Variants in RSRP1 observed in about 807,000 individuals in gnomAD.
RSRP1 encodes arginine and serine rich protein 1, also known as arginine/serine-rich protein 1.
A neutral mutation model predicts 33.0 loss-of-function variants in RSRP1; 37 were observed. The ratio of observed to expected loss-of-function variants is 1.12; its 90% CI spans 0.86 to 1.48. The LOEUF (loss-of-function observed/expected upper bound fraction) is 1.48. Among genes scored for constraint, RSRP1 ranks in the 40% most tolerant of loss-of-function variants. The pLI is 0.00. For synonymous variants in RSRP1, 167 were observed against 158.7 expected (o/e 1.05, Z -0.40); for missense variants, 402 against 385.3 (o/e 1.04, Z -0.36).
intron 1 of RSRP1, chr1:25,284,665 C>T (rs1355060735): frequency 2.2e-5 from 31 of 1,388,842 alleles, no homozygotes; most frequent in Non-Finnish European, 3.0e-5. Flanking sequence ...GGCCTTCAAC[C>T]TCTTCATGCT....
At chr1:25,261,914 G>C (rs1640168983) in intron 1 of RSRP1, among the ~76,000 whole-genome samples, 3 of 151,468 alleles carry the variant, frequency 2.0e-5, no homozygotes, top group South Asian at 4.2e-4. Flanking sequence ...GTTTCACCAT[G>C]TTGGCCAGGA....
At chr1:25,295,634 A>T (rs1189161866) in intron 1 of RSRP1, among the ~76,000 whole-genome samples, 4 of 105,712 alleles carry the variant, frequency 3.8e-5, no homozygotes, top group African/African-American at 9.5e-5. Flanking sequence ...GCGGTCAAGG[A>T]GCCGAGAGGG....
At position 25,307,067 on chromosome 1, in the gene RSRP1, C is replaced by T. The variant is rs189106905; in HGVS notation, c.-67+30911G>A. The T allele has an allele frequency of 6.9e-5, 23 of 330,980 alleles. 5 individuals are homozygous for T. Among genetic ancestry groups the T allele is most frequent in the African/African-American group, 4.5e-5 (2 of 44,766 alleles). The allele number at this position is 330,980 out of a possible 1,614,324, so 20.5% of individuals were successfully genotyped here. A position where few individuals can be genotyped will look rare whatever the true frequency, so the allele number is the denominator to read the frequency against. ...TCGTGATGCAGAGCTTTGCTGTGGACGTGCTCCCACTGCGTACTAGCTGGG... is the reference window on the plus strand; with the variant it reads ...TCGTGATGCAGAGCTTTGCTGTGGATGTGCTCCCACTGCGTACTAGCTGGG... On this transcript the variant is annotated intron_variant, in intron 1 of 1. Transcript: ENST00000561867.
At chr1:25,315,611 C>T (rs558172144) in intron 1 of RSRP1, among the ~76,000 whole-genome samples, 1 of 126,786 alleles carries the variant, frequency 7.9e-6, no homozygotes, top group Non-Finnish European at 1.9e-5. Context: ...GTTCTCCTGC[C>T]TCAGCCTCCT....
chr1:25,245,983 T>A (rs1046353085), intron 2 of RSRP1: 1 of 160,370 alleles, frequency 6.2e-6, no homozygotes, highest in Non-Finnish European at 1.4e-5. Context: ...TGGCCTCAAG[T>A]GACCCACCCG....
chr1:25,280,840 A>T (rs1641433953), intron 1 of RSRP1, among the ~76,000 whole-genome samples: 1 of 131,382 alleles, frequency 7.6e-6, no homozygotes, highest in African/African-American at 2.6e-5. Context: ...TGAACTCCTC[A>T]GCTCAAGCAA....
chr1:25,301,279 G>C (rs1571668386), intron 1 of RSRP1, among the ~76,000 whole-genome samples: 1 of 131,216 alleles, frequency 7.6e-6, no homozygotes, highest in East Asian at 2.0e-4. Context: ...ACTTCACAGA[G>C]CAGGTTCAGG....
At chr1:25,280,605 CTTTT>C (rs71014346) in intron 1 of RSRP1, among the ~76,000 whole-genome samples, 6 of 60,744 alleles carry the variant, frequency 9.9e-5, no homozygotes, top group Admixed American at 3.6e-4. Context: ...TGTGCCTGGC[CTTTT>C]TTTTTTTTTT....
At position 25,246,558 on chromosome 1, in the gene RSRP1, C is replaced by T; in HGVS notation, c.406G>A (p.Gly136Arg). 3 of 1,614,244 alleles carry T rather than the reference C, an allele frequency of 1.9e-6. No individual in the cohort carries two copies. The highest frequency in any genetic ancestry group is 2.5e-6 in the Non-Finnish European group (3 of 1,180,048). Residue 136 changes from glycine (G) to arginine (R), a missense_variant, in exon 2 of 5, where the codon GGA becomes AGA. Transcript: ENST00000243189. Reference sequence around the variant, plus strand: ...CGACCAAAGCCGTAGTAGCGCTGTCCCCGCGCGATCGCGTACGCCCTTCCG... The same window carrying T: ...CGACCAAAGCCGTAGTAGCGCTGTCTCCGCGCGATCGCGTACGCCCTTCCG... Reference protein sequence around the residue: ...YCGRAYAIARGQRYYGFGRTV... With the variant: ...YCGRAYAIARRQRYYGFGRTV...
At chr1:25,278,263 G>C (rs1641190261) in intron 1 of RSRP1, among the ~76,000 whole-genome samples, 1 of 130,302 alleles carries the variant, frequency 7.7e-6, no homozygotes, top group African/African-American at 2.6e-5. Context: ...CCTGAGATGA[G>C]AGACAGAAGG....
chr1:25,329,237 G>T (rs199503320), intron 1 of RSRP1: 17,266 of 229,288 alleles, frequency 0.075, 119 homozygotes, highest in East Asian at 0.11. Flanking sequence ...ATTATTCCTT[G>T]TTTTTTTTTT....
rs1644580821 is a variant in RSRP1, at chr1:25,319,423, C to A, written c.-67+18555G>T. 1.5e-5 allele frequency among the ~76,000 whole-genome samples: 2 copies of A among 131,352 alleles called. 1 individual carries two copies. The highest frequency in any genetic ancestry group is 3.6e-5 in the Non-Finnish European group (2 of 55,366). 86.2% of individuals were successfully genotyped at this position (131,352 alleles called of 152,430 possible). On this transcript the variant is annotated intron_variant, in intron 1 of 1. Coordinates refer to the RSRP1 transcript ENST00000561867. ...TTGAGGCCAGGAGTTCAAGCCAGGG[C>A]AACATAGTGAGACCCCATCTCTACA...
chr1:25,242,772 A>G, intron 4 of RSRP1, 67 bp from the exon 5 acceptor site: 1 of 1,096,836 alleles, frequency 9.1e-7, no homozygotes. Context: ...AAAAAAAAGT[A>G]CATTAAATAA....
chr1:25,323,568 T>TC (rs1644828241), intron 1 of RSRP1, among the ~76,000 whole-genome samples: 1 of 125,452 alleles, frequency 8.0e-6, no homozygotes, highest in South Asian at 2.5e-4. Context: ...CAGGAGATCC[T>TC]CCCCCCTCAG....
intron 1 of RSRP1, chr1:25,303,534 T>C: frequency 7.8e-7 from 1 of 1,278,734 alleles, no homozygotes; most frequent in Admixed American, 1.8e-5. Context: ...TGGGCCACTG[T>C]GCAGTGCACA....
rs191007174 is a variant in RSRP1, at chr1:25,303,048, T to C, written c.-67+34930A>G. On this transcript the variant is annotated intron_variant, in intron 1 of 1. Transcript: ENST00000561867. The stretch of plus-strand genomic sequence containing the variant: ...ACCACTAATGAGTGTGATGGGTGCC[T>C]AGGATGCTGAGCACCTGGACTTCCC... 6.1e-3 allele frequency among the ~76,000 whole-genome samples: 807 copies of C among 131,502 alleles called. 106 individuals carry two copies. Among genetic ancestry groups the C allele is most frequent in the African/African-American group, 0.02 (772 of 38,338 alleles). The allele number at this position is 131,502 out of a possible 152,430, so 86.3% of individuals were successfully genotyped here. A position where few individuals can be genotyped will look rare whatever the true frequency, so the allele number is the denominator to read the frequency against.
In RSRP1 at chr1:25,307,956, A is replaced by G. The variant is rs1328183747; in HGVS notation, c.-67+30022T>C. 3 of 728,002 alleles carry G rather than the reference A, an allele frequency of 4.1e-6. 1 individual carries two copies. The African/African-American group carries it at 5.4e-5, about 13-fold the overall frequency. The allele number at this position is 728,002 out of a possible 1,614,324, so 45.1% of individuals were successfully genotyped here. A position where few individuals can be genotyped will look rare whatever the true frequency, so the allele number is the denominator to read the frequency against. ...AGAACCTTTCCTGTCTCTGGGCCTG[A>G]GAGTTCCCCTCTGAAAGATGAGGAC... On this transcript the variant is annotated intron_variant, in intron 1 of 1. Transcript: ENST00000561867.
In RSRP1 at chr1:25,316,153, C is replaced by T. The variant is rs1384975068; in HGVS notation, c.-67+21825G>A. Among the ~76,000 whole-genome samples, 43 of 130,720 alleles carry T rather than the reference C, an allele frequency of 3.3e-4. 7 individuals are homozygous for T. Among genetic ancestry groups the T allele is most frequent in the Admixed American group, 3.0e-3 (41 of 13,464 alleles). 85.8% of individuals were successfully genotyped at this position (130,720 alleles called of 152,430 possible). ...ATCACATTCAGCATCCAAGGGCCCC[C>T]GTAATAGCTTAATGTTTGAATTGAA... On this transcript the variant is annotated intron_variant, in intron 1 of 1. Coordinates refer to the RSRP1 transcript ENST00000561867.
intron 1 of RSRP1, among the ~76,000 whole-genome samples, chr1:25,308,671 G>C (rs952252367): frequency 3.1e-5 from 4 of 130,102 alleles, no homozygotes; most frequent in Admixed American, 3.0e-4. Flanking sequence ...ATGGGAACTG[G>C]CTCCAGCACA....
Sources: allele counts gnomAD v4.1 joint callset (sites outside exome capture counted in the v4.1 genomes callset), GRCh38; gene constraint gnomAD v4.1.1; transcripts MANE v1.5; gene names NCBI Gene and HGNC (gene_info 2026-07-23, HGNC 2026-07-21).